The following ADGRG1 variants were observed in gnomAD, a reference collection of about 807,000 sequenced individuals.
ADGRG1 encodes adhesion G protein-coupled receptor G1.
Under a neutral mutation model 73.5 loss-of-function variants are expected in ADGRG1, and 53 were observed. The ratio of observed to expected loss-of-function variants is 0.72; its 90% CI spans 0.58 to 0.91. The LOEUF is 0.91. ADGRG1 is among the 40% of genes least tolerant of loss of function. The pLI, the probability that ADGRG1 is intolerant of heterozygous loss-of-function variation, is 0.00. For missense variants in ADGRG1, 795 were observed against 871.8 expected, an observed-to-expected ratio of 0.91 and a Z score of 1.11; for synonymous variants, 394 against 374.4, an observed-to-expected ratio of 1.05 and a Z score of -0.60.
rs369147371 is a variant in ADGRG1 at position 57,653,279 on chromosome 16, G to A, written c.564G>A (p.Gln188=). 6.2e-7 allele frequency: 1 copy of A among 1,612,916 alleles called. No homozygotes were observed. The highest frequency in any genetic ancestry group is 1.7e-5 in the Admixed American group (1 of 60,014). Residue 188 remains glutamine, a synonymous_variant, in exon 4 of 14, where the codon CAG becomes CAA. Coordinates refer to ENST00000562631, the MANE Select transcript of ADGRG1 (RefSeq NM_201525.4). The stretch of plus-strand genomic sequence containing the variant: ...AAAGGGACCTCCAGCTGCTCAGCCA[G>A]TTCCTGAAGCATCCCCAGAAGGCCT... ...ELKRDLQLLS[Q]FLKHPQKASR...
At chr16:57,645,397 C>A (rs2042358678) in intron 1 of ADGRG1, 1 of 864,084 alleles carries the variant, frequency 1.2e-6, no homozygotes, top group Non-Finnish European at 1.4e-6. Flanking sequence ...CTGATGCCTG[C>A]CCTTCTCCTG....
chr16:57,653,440 GGA>G lies in ADGRG1; in HGVS notation c.620+106_620+107del, dbSNP rs1431534394. 3 of 1,548,756 alleles carry G rather than the reference GGA, an allele frequency of 1.9e-6. No individual in the cohort carries two copies. The African/African-American group carries it at 4.1e-5, about 21-fold the overall frequency. ...AGGGGCTACTGCGAGGCCTTCCCTGGGACTGGAATGCTTCTTTGATTTCTCTT... is the reference window on the plus strand; with the variant it reads ...AGGGGCTACTGCGAGGCCTTCCCTGGCTGGAATGCTTCTTTGATTTCTCTT... On this transcript the variant is annotated intron_variant, in intron 4 of 13. Transcript: ENST00000562631.
At chr16:57,625,916 GTC>G (rs1166094972), upstream of ADGRG1, among the ~76,000 whole-genome samples, 6 of 152,134 alleles carry the variant, frequency 3.9e-5, no homozygotes, top group Non-Finnish European at 7.4e-5. Context: ...CTTCCTGCTG[GTC>G]TCTGTTTATC....
intron 2 of ADGRG1, chr16:57,621,885 C>T: frequency 1.0e-6 from 1 of 984,520 alleles, no homozygotes; most frequent in Non-Finnish European, 1.2e-6. Flanking sequence ...GGCTGGGACC[C>T]CTAGTTCAGG....
chr16:57,645,050 C>A, intron 1 of ADGRG1: 3 of 983,790 alleles, frequency 3.0e-6, no homozygotes, highest in Non-Finnish European at 3.6e-6. Context: ...CACATACACA[C>A]ACTCATGCAC....
At chr16:57,625,665 T>G (rs2035701295), upstream of ADGRG1, 6 of 984,942 alleles carry the variant, frequency 6.1e-6, no homozygotes, top group South Asian at 2.8e-4. Context: ...ACATTCAGAT[T>G]CAGCAGGTCT....
chr16:57,628,053 G>A (rs2036199911), upstream of ADGRG1: 7 of 922,628 alleles, frequency 7.6e-6, no homozygotes, highest in Non-Finnish European at 8.7e-6. Context: ...ACTGAGAGGG[G>A]AGACGGGTCA....
chr16:57,635,696 C>T, intron 1 of ADGRG1: 1 of 985,376 alleles, frequency 1.0e-6, no homozygotes, highest in Non-Finnish European at 1.2e-6. Flanking sequence ...CTCTGAGCCT[C>T]CCTTTCCCTC....
chr16:57,635,089 C>T, intron 1 of ADGRG1: 1 of 985,272 alleles, frequency 1.0e-6, no homozygotes, highest in Non-Finnish European at 1.2e-6. Context: ...TGAGGGAGGT[C>T]AGGAGGGCAG....
upstream of ADGRG1, chr16:57,624,074 CATA>C: frequency 2.5e-6 from 1 of 405,522 alleles, no homozygotes; most frequent in Non-Finnish European, 3.3e-6. Flanking sequence ...TGGACTTTAT[CATA>C]ATAATAATGA....
chr16:57,647,589 G>A (rs1375787322), intron 1 of ADGRG1: 2 of 395,382 alleles, frequency 5.1e-6, no homozygotes, highest in Non-Finnish European at 6.9e-6. Flanking sequence ...CAGAGAAGGT[G>A]AGTAACTAGC....
At chr16:57,650,142 G>T in intron 1 of ADGRG1, 111 bp from the exon 2 acceptor site, 1 of 1,534,174 alleles carries the variant, frequency 6.5e-7, no homozygotes. Context: ...TTCCACACTT[G>T]CTTCCCCACC....
Position 57,655,864 on chromosome 16 carries a change from C to T in ADGRG1, c.901-12C>T. The T allele has an allele frequency of 6.2e-7, 1 of 1,614,100 alleles. No homozygotes were observed. Among genetic ancestry groups the T allele is most frequent in the East Asian group, 2.2e-5 (1 of 44,876 alleles). On this transcript the variant is annotated splice_polypyrimidine_tract_variant and intron_variant, in intron 6 of 13. Transcript: ENST00000562631. ...CCCTCCCTACTCTCTTCCTCCAACC[C>T]CATGTATCTAGGACAAGAATTCCAG...
rs762017120 is a variant in ADGRG1 at position 57,659,673 on chromosome 16, T to A, written c.1547T>A (p.Met516Lys). The A allele has an allele frequency of 6.2e-7, 1 of 1,613,744 alleles. No individual in the cohort carries two copies. Among genetic ancestry groups the A allele is most frequent in the Non-Finnish European group, 8.5e-7 (1 of 1,179,942 alleles). The change falls in exon 11 of 14, where the codon ATG becomes AAG. Residue 516 changes from methionine to lysine, a missense_variant. Met to Lys is a moderately conservative substitution (Grantham distance 95, BLOSUM62 -1). Transcript: ENST00000562631. Reference protein sequence around the residue: ...VPGYLLKLSAMGWGFPIFLVT... With the variant: ...VPGYLLKLSAKGWGFPIFLVT... ...GGCTACCTACTCAAGCTGAGCGCCA[T>A]GGGCTGGGGTAAGTGGTTGGGCGGG...
At chr16:57,660,098 G>C (rs113969937) in intron 11 of ADGRG1, 14 of 217,336 alleles carry the variant, frequency 6.4e-5, no homozygotes, top group African/African-American at 3.0e-4. Context: ...CCTGTGGCTT[G>C]GCATTTTGTT....
Position 57,661,770 on chromosome 16 carries a change from A to T in ADGRG1, c.1738A>T (p.Met580Leu), listed in dbSNP as rs746066965. Reference sequence around the variant, plus strand: ...CTTCAGCCTGGTGTTTCTGTTCAACATGGCCATGCTAGCCACCATGGTGGT... The same window carrying T: ...CTTCAGCCTGGTGTTTCTGTTCAACTTGGCCATGCTAGCCACCATGGTGGT... ...GLFSLVFLFN[M>L]AMLATMVVQI... Residue 580 changes from methionine (M) to leucine (L), a missense_variant, in exon 13 of 14, where the codon ATG becomes TTG. Met to Leu is a conservative substitution (Grantham distance 15). Transcript: ENST00000562631. The T allele has an allele frequency of 6.2e-7, 1 of 1,614,148 alleles. No homozygotes were observed. Among genetic ancestry groups the T allele is most frequent in the South Asian group, 1.1e-5 (1 of 91,084 alleles).
At chr16:57,628,614 C>A, upstream of ADGRG1, 1 of 985,514 alleles carries the variant, frequency 1.0e-6, no homozygotes, top group Non-Finnish European at 1.2e-6. Flanking sequence ...CAAACAAACC[C>A]GGTCCCTCCC....
intron 1 of ADGRG1, among the ~76,000 whole-genome samples, chr16:57,629,684 C>T (rs561656251): frequency 3.9e-4 from 59 of 152,296 alleles, no homozygotes; most frequent in African/African-American, 7.2e-4. Flanking sequence ...GTCCTGGAAC[C>T]GGTGACAGGC....
chr16:57,641,427 A>T, intron 1 of ADGRG1: 1 of 980,578 alleles, frequency 1.0e-6, no homozygotes, highest in Non-Finnish European at 1.2e-6. Context: ...TAAGCTGAAC[A>T]GGCCTGGCAC....
Sources: allele counts gnomAD v4.1 joint callset (sites outside exome capture counted in the v4.1 genomes callset), GRCh38; gene constraint gnomAD v4.1.1; transcripts MANE v1.5; gene names NCBI Gene and HGNC (gene_info 2026-07-23, HGNC 2026-07-21).